The following SGCA variants were observed in gnomAD, a reference collection of about 807,000 sequenced individuals.
The protein encoded by SGCA is sarcoglycan alpha.
Under a neutral mutation model 38.1 loss-of-function variants are expected in SGCA, and 34 were observed. That is an observed-to-expected ratio of 0.89 (90% CI 0.68 to 1.19). The LOEUF (loss-of-function observed/expected upper bound fraction) is 1.19, where lower values mean the gene tolerates loss of function less well. SGCA is among the 50% of genes most tolerant of loss of function. SGCA has a pLI of 0.00. For missense variants in SGCA, 476 were observed against 524.9 expected (o/e 0.91, Z 0.91); for synonymous variants, 209 against 214.6 (o/e 0.97, Z 0.23).
In SGCA at chr17:50,168,489, C is replaced by A; in HGVS notation, c.501C>A (p.Pro167=). ...CAGCCTTGGGGGGACTCTGGGAGCC[C>A]GGAGAGCTTCAGCTGCTCAACGTCA... ...FLSALGGLWE[P]GELQLLNVTS... is the part of the protein sequence containing the mutation. Residue 167 remains proline (P), a synonymous_variant, in exon 5 of 10, where the codon CCC becomes CCA. Coordinates refer to ENST00000262018, the MANE Select transcript of SGCA (RefSeq NM_000023.4). The A allele has an allele frequency of 6.3e-7, 1 of 1,579,548 alleles. No homozygotes were observed.
chr17:50,175,110 T>G (rs1567746333), intron 8 of SGCA, 147 bp from the exon 9 acceptor site: 4 of 798,736 alleles, frequency 5.0e-6, no homozygotes, highest in Non-Finnish European at 8.4e-6. Context: ...TAGAGCTTTC[T>G]GTTTGTTTTC....
intron 8 of SGCA, among the ~76,000 whole-genome samples, chr17:50,172,913 T>C (rs1291957147): frequency 6.6e-6 from 1 of 152,254 alleles, no homozygotes; most frequent in Non-Finnish European, 1.5e-5. Flanking sequence ...TTTTTCCCCA[T>C]GGGGATCAGT....
In SGCA at chr17:50,170,692, G is replaced by A. The variant is rs2144502203; in HGVS notation, c.983+26G>A. ...GTGAGTAAAGGAAAGCTGGGGGTGG[G>A]GTGGGAGCCCACCTAGACAGTTGTT... On this transcript the variant is annotated intron_variant, in intron 8 of 9. Coordinates refer to ENST00000262018, the MANE Select transcript of SGCA (RefSeq NM_000023.4). 2.6e-6 allele frequency: 4 copies of A among 1,553,898 alleles called. 1 individual carries two copies. The South Asian group carries it at 4.7e-5, about 18-fold the overall frequency.
At chr17:50,168,667 T>C (rs902154419) in intron 5 of SGCA, 95 bp downstream of exon 5, 3 of 1,100,784 alleles carry the variant, frequency 2.7e-6, no homozygotes, top group Admixed American at 2.0e-5. Flanking sequence ...GGTGGGGCTT[T>C]ACCACGCACA....
In SGCA at chr17:50,166,910, ACC is replaced by A. The variant is rs143508328; in HGVS notation, c.38-453_38-452del. ...CCCCACACACCCCCCGCAAACACACACCCCCCACACACACCTTCACACACACA... is the reference window on the plus strand; with the variant it reads ...CCCCACACACCCCCCGCAAACACACACCCCACACACACCTTCACACACACA... On this transcript the variant is annotated intron_variant, in intron 1 of 9. Transcript: ENST00000262018. Among the ~76,000 whole-genome samples, 167 of 20,252 alleles carry A rather than the reference ACC, an allele frequency of 8.2e-3. 2 individuals carry two copies. Among genetic ancestry groups the A allele is most frequent in the African/African-American group, 0.034 (156 of 4,634 alleles). 13.3% of individuals were successfully genotyped at this position (20,252 alleles called of 152,430 possible).
intron 1 of SGCA, 154 bp downstream of exon 1, chr17:50,166,231 T>G: frequency 1.4e-6 from 1 of 696,948 alleles, no homozygotes; most frequent in Non-Finnish European, 2.6e-6. Flanking sequence ...CATGGCCAGC[T>G]GGGGATCCAG....
chr17:50,174,805 T>C (rs556257950), intron 8 of SGCA, among the ~76,000 whole-genome samples: 1 of 152,010 alleles, frequency 6.6e-6, no homozygotes, highest in East Asian at 1.9e-4. Flanking sequence ...TAGAGCTTTC[T>C]TTTTTTTGTT....
In SGCA at chr17:50,175,355, C is replaced by T. The variant is rs1905849214; in HGVS notation, c.1082C>T (p.Pro361Leu). 6.2e-7 allele frequency: 1 copy of T among 1,612,574 alleles called. No individual in the cohort carries two copies. The highest frequency in any genetic ancestry group is 1.3e-5 in the African/African-American group (1 of 74,948). Residue 361 changes from proline to leucine, a missense_variant, in exon 9 of 10, where the codon CCC becomes CTC. Physicochemically the swap from Pro to Leu is moderately conservative, Grantham distance 98 (BLOSUM62 -3). Coordinates refer to ENST00000262018, the MANE Select transcript of SGCA (RefSeq NM_000023.4). The stretch of plus-strand genomic sequence containing the variant: ...GTGCCCCGGCCACTCTCCACCCTGC[C>T]CATGTTCAATGTGCACACAGGTGAG... ...REVPRPLSTLPMFNVHTGERL... is the reference protein window; with the variant it reads ...REVPRPLSTLLMFNVHTGERL...
At position 50,174,529 on chromosome 17, in the gene SGCA, T is replaced by C. The variant is rs935037271; in HGVS notation, c.984-728T>C. Among the ~76,000 whole-genome samples, 102 of 151,528 alleles carry C rather than the reference T, an allele frequency of 6.7e-4. 1 individual carries two copies. Among genetic ancestry groups the C allele is most frequent in the Admixed American group, 6.7e-3 (102 of 15,188 alleles). ...GTAGGTTTTGGTTTTTTTTTTTAAA[T>C]AGAGATGGGGTTTCACCATGTTGGT... is the stretch of plus-strand genomic sequence containing the variant. On this transcript the variant is annotated intron_variant, in intron 8 of 9. Coordinates refer to ENST00000262018, the MANE Select transcript of SGCA (RefSeq NM_000023.4).
At position 50,166,011 on chromosome 17, in the gene SGCA, C is replaced by T; in HGVS notation, c.-30C>T. The T allele has an allele frequency of 6.2e-7, 1 of 1,605,164 alleles. No individual in the cohort carries two copies. The highest frequency in any genetic ancestry group is 8.5e-7 in the Non-Finnish European group (1 of 1,172,280). On this transcript the variant is annotated 5_prime_UTR_variant, in exon 1 of 10. Transcript: ENST00000262018. ...TCTCCTCCCTGCCCCCTGTCTCTGT[C>T]ACTCACCGGGCGGGCCAGGCCGGGC...
chr17:50,175,461 G>C lies in SGCA; in HGVS notation c.*12+12G>C, dbSNP rs1598278112. On this transcript the variant is annotated intron_variant, in intron 9 of 9. Coordinates refer to ENST00000262018, the MANE Select transcript of SGCA (RefSeq NM_000023.4). Reference sequence around the variant, plus strand: ...GACAGCCTAGCCAGGTAGGTCTGGTGGGTGATGCCAGCCTTATTTCTGGGA... The same window carrying C: ...GACAGCCTAGCCAGGTAGGTCTGGTCGGTGATGCCAGCCTTATTTCTGGGA... 1 of 1,605,792 alleles carries C rather than the reference G, an allele frequency of 6.2e-7. No homozygotes were observed. Among genetic ancestry groups the C allele is most frequent in the East Asian group, 2.2e-5 (1 of 44,860 alleles).
In SGCA at chr17:50,167,462, G is replaced by A. The variant is rs886044035; in HGVS notation, c.132G>A (p.Thr44=). The A allele has an allele frequency of 1.4e-5, 23 of 1,614,052 alleles. No individual in the cohort carries two copies. Among genetic ancestry groups the A allele is most frequent in the East Asian group, 4.5e-5 (2 of 44,898 alleles). Residue 44 remains threonine, a synonymous_variant, in exon 2 of 10, where the codon ACG becomes ACA. Coordinates refer to ENST00000262018, the MANE Select transcript of SGCA (RefSeq NM_000023.4). The surrounding 1 kb of genome is among the most constrained non-coding windows in gnomAD (Gnocchi z 4.5). Reference sequence around the variant, plus strand: ...TTGTGCACACCTTGGACCATGAGACGTTTCTGAGCCTTCCTGAGCATGTCG... The same window carrying A: ...TTGTGCACACCTTGGACCATGAGACATTTCTGAGCCTTCCTGAGCATGTCG... The part of the protein sequence containing the change: ...RVFVHTLDHE[T]FLSLPEHVAV...
In SGCA at chr17:50,170,617, C is replaced by A. The variant is rs1161762966; in HGVS notation, c.957-23C>A. On this transcript the variant is annotated intron_variant, in intron 7 of 9. Coordinates refer to ENST00000262018, the MANE Select transcript of SGCA (RefSeq NM_000023.4). ...GGGGCGAAACCCAGAGCTGGGCTAA[C>A]CCTCTCCTTCACTTTTCCACAGGCT... The A allele has an allele frequency of 3.2e-6, 5 of 1,557,854 alleles. No homozygotes were observed. The South Asian group carries it at 4.7e-5, about 15-fold the overall frequency.
chr17:50,168,530 G>A lies in SGCA; in HGVS notation c.542G>A (p.Arg181His), dbSNP rs746412103. The change falls in exon 5 of 10, where the codon CGT (arginine) becomes CAT (histidine). Residue 181 changes from arginine to histidine, a missense_variant. Coordinates refer to ENST00000262018, the MANE Select transcript of SGCA (RefSeq NM_000023.4). Reference protein sequence around the residue: ...QLLNVTSALDRGGRVPLPIEG... With the variant: ...QLLNVTSALDHGGRVPLPIEG... ...CTCAACGTCACCTCTGCCTTGGACC[G>A]TGGGGGCCGTGTCCCCCTTCCCATT... 29 of 1,575,978 alleles carry A rather than the reference G, an allele frequency of 1.8e-5. No individual in the cohort carries two copies. Among genetic ancestry groups the A allele is most frequent in the African/African-American group, 2.7e-5 (2 of 74,234 alleles).
rs1905859374 is a variant in SGCA, at chr17:50,175,417, C to G, written c.1144C>G (p.Leu382Val). 1 of 1,613,078 alleles carries G rather than the reference C, an allele frequency of 6.2e-7. No homozygotes were observed. The highest frequency in any genetic ancestry group is 8.5e-7 in the Non-Finnish European group (1 of 1,180,018). ...CCGCGTGGACAGCGCCCAGGTGCCCCTCATTCTGGACCAGCACTGACAGCC... is the reference window on the plus strand; with the variant it reads ...CCGCGTGGACAGCGCCCAGGTGCCCGTCATTCTGGACCAGCACTGACAGCC... ...PPRVDSAQVPLILDQH is the reference protein window; with the variant it reads ...PPRVDSAQVPVILDQH Residue 382 changes from leucine to valine, a missense_variant, in exon 9 of 10, where the codon CTC becomes GTC. Leu to Val is a conservative substitution (Grantham distance 32). Transcript: ENST00000262018.
intron 8 of SGCA, chr17:50,171,858 C>T: frequency 2.2e-6 from 1 of 456,826 alleles, no homozygotes; most frequent in Non-Finnish European, 4.4e-6. Flanking sequence ...TTGTCCGCCA[C>T]AGCCCTCAGG....
At chr17:50,171,371 GC>G in intron 8 of SGCA, 1 of 375,342 alleles carries the variant, frequency 2.7e-6, no homozygotes, top group Non-Finnish European at 5.3e-6. Flanking sequence ...CCTCCTATGT[GC>G]CCCCAGCCCT....
chr17:50,173,111 A>G (rs1269097429), intron 8 of SGCA, among the ~76,000 whole-genome samples: 1 of 152,218 alleles, frequency 6.6e-6, no homozygotes, highest in Non-Finnish European at 1.5e-5. Context: ...GCCTCAGTCA[A>G]TGTGAAATCA....
intron 4 of SGCA, 146 bp downstream of exon 4, chr17:50,168,165 T>A (rs962819341): frequency 2.5e-5 from 22 of 865,366 alleles, no homozygotes; most frequent in Non-Finnish European, 4.0e-5. Flanking sequence ...TCTCAGGGAA[T>A]GGGTGCTGGG....
Sources: allele counts gnomAD v4.1 joint callset (sites outside exome capture counted in the v4.1 genomes callset), GRCh38; gene constraint gnomAD v4.1.1; non-coding constraint Gnocchi (gnomAD v3.1); transcripts MANE v1.5; gene names NCBI Gene and HGNC (gene_info 2026-07-23, HGNC 2026-07-21).